The following SIPA1L1 variants were observed in gnomAD, a reference collection of about 807,000 sequenced individuals.
The protein encoded by SIPA1L1 is signal induced proliferation associated 1 like 1.
Under a neutral mutation model 162.7 loss-of-function variants are expected in SIPA1L1, and 26 were observed. The observed-to-expected ratio is 0.16, with a 90% CI of 0.12 to 0.22. The LOEUF (loss-of-function observed/expected upper bound fraction) is 0.22, where lower values mean the gene tolerates loss of function less well. Ranked by LOEUF, SIPA1L1 falls within the 10% of genes least tolerant of loss-of-function variation. The pLI, the probability that SIPA1L1 is intolerant of heterozygous loss-of-function variation, is 1.00. For synonymous variants in SIPA1L1, 829 were observed against 837.4 expected, an observed-to-expected ratio of 0.99 and a Z score of 0.17; for missense variants, 1,874 against 2,241.0, an observed-to-expected ratio of 0.84 and a Z score of 3.31.
intron 2 of SIPA1L1, among the ~76,000 whole-genome samples, chr14:71,435,835 C>T (rs1014827309): frequency 6.6e-6 from 1 of 152,194 alleles, no homozygotes; most frequent in East Asian, 1.9e-4. Context: ...TCTCCAGCAC[C>T]TGTTGTTGCC....
intron 2 of SIPA1L1, among the ~76,000 whole-genome samples, chr14:71,341,866 G>A (rs35151594): frequency 0.22 from 33,292 of 152,072 alleles, 3,885 homozygotes; most frequent in Middle Eastern, 0.37. Flanking sequence ...ATAGTGTTCT[G>A]TGGTGTATAT....
intron 8 of SIPA1L1, among the ~76,000 whole-genome samples, chr14:71,652,792 G>T (rs1316453870): frequency 1.3e-5 from 2 of 151,884 alleles, no homozygotes; most frequent in African/African-American, 4.8e-5. Context: ...ATATTTCAGG[G>T]CCAAAAGTTG....
chr14:71,472,153 C>T (rs1013254770), intron 2 of SIPA1L1, among the ~76,000 whole-genome samples: 2 of 152,168 alleles, frequency 1.3e-5, no homozygotes, highest in African/African-American at 4.8e-5. Context: ...AGGCAGCCTC[C>T]GTCTAGACTC....
intron 5 of SIPA1L1, among the ~76,000 whole-genome samples, chr14:71,611,377 T>G (rs2038186132): frequency 6.6e-6 from 1 of 152,066 alleles, no homozygotes; most frequent in Admixed American, 6.5e-5. Context: ...TTTTTCCTAG[T>G]TGTTATTTTA....
At chr14:71,552,297 A>G (rs931399994) in intron 4 of SIPA1L1, among the ~76,000 whole-genome samples, 7 of 152,236 alleles carry the variant, frequency 4.6e-5, no homozygotes, top group African/African-American at 1.7e-4. Flanking sequence ...AAAGGTACAG[A>G]ATATCATTGA....
At chr14:71,496,393 A>G (rs1357795679) in intron 2 of SIPA1L1, among the ~76,000 whole-genome samples, 1 of 151,268 alleles carries the variant, frequency 6.6e-6, no homozygotes, top group Non-Finnish European at 1.5e-5. Flanking sequence ...GGTTGTTTGG[A>G]TGTTATTGTT....
intron 2 of SIPA1L1, among the ~76,000 whole-genome samples, chr14:71,449,503 C>G (rs1383389645): frequency 6.6e-6 from 1 of 152,134 alleles, no homozygotes; most frequent in Non-Finnish European, 1.5e-5. Flanking sequence ...ACATTAGTCA[C>G]AAGGCTACAC....
chr14:71,524,684 A>G (rs2052685954), intron 3 of SIPA1L1, among the ~76,000 whole-genome samples: 1 of 152,192 alleles, frequency 6.6e-6, no homozygotes, highest in Non-Finnish European at 1.5e-5. Context: ...CCTTAGGCTC[A>G]AGTAGCCTCC....
chr14:71,576,867 G>A (rs2147164311), intron 4 of SIPA1L1, among the ~76,000 whole-genome samples: 1 of 152,208 alleles, frequency 6.6e-6, no homozygotes, highest in African/African-American at 2.4e-5. Flanking sequence ...GCTGGATCAC[G>A]AGGTCAGGAG....
chr14:71,501,196 C>T (rs919652006), intron 2 of SIPA1L1, among the ~76,000 whole-genome samples: 3 of 152,146 alleles, frequency 2.0e-5, no homozygotes, highest in Middle Eastern at 3.4e-3. Context: ...TGGTGTGCAT[C>T]TGTGGTCCCA....
At chr14:71,584,344 A>G (rs1295097070) in intron 4 of SIPA1L1, among the ~76,000 whole-genome samples, 1 of 152,212 alleles carries the variant, frequency 6.6e-6, no homozygotes, top group Non-Finnish European at 1.5e-5. Flanking sequence ...CAGGGACTTG[A>G]TATTCTAAAT....
chr14:71,448,254 A>G (rs1333018908), intron 2 of SIPA1L1, among the ~76,000 whole-genome samples: 1 of 152,156 alleles, frequency 6.6e-6, no homozygotes, highest in Non-Finnish European at 1.5e-5. Flanking sequence ...GGTAGCAATA[A>G]CATCATCCAC....
At chr14:71,591,247 T>C (rs1333871387) in intron 5 of SIPA1L1, among the ~76,000 whole-genome samples, 2 of 152,116 alleles carry the variant, frequency 1.3e-5, no homozygotes, top group African/African-American at 4.8e-5. Context: ...CTCATTTCAA[T>C]CTCTTGATGC....
chr14:71,599,097 T>C (rs1238026775), intron 5 of SIPA1L1, among the ~76,000 whole-genome samples: 1 of 151,914 alleles, frequency 6.6e-6, no homozygotes, highest in African/African-American at 2.4e-5. Context: ...CTTAACATAA[T>C]GATCTGCAGT....
intron 2 of SIPA1L1, chr14:71,400,876 G>C (rs1595243007): frequency 6.6e-6 from 1 of 152,030 alleles, no homozygotes; most frequent in Middle Eastern, 3.4e-3. Flanking sequence ...CATATCACTT[G>C]ATGGCTTCTA....
At chr14:71,442,206 A>G (rs920363467) in intron 2 of SIPA1L1, among the ~76,000 whole-genome samples, 3 of 150,756 alleles carry the variant, frequency 2.0e-5, no homozygotes, top group East Asian at 1.9e-4. Context: ...AAAAGAAGTA[A>G]CTTAAACTGT....
At chr14:71,534,364 C>T (rs890626353) in intron 4 of SIPA1L1, among the ~76,000 whole-genome samples, 5 of 152,100 alleles carry the variant, frequency 3.3e-5, no homozygotes, top group South Asian at 2.1e-4. Flanking sequence ...TAGATTAACT[C>T]GTGTAAATTA....
chr14:71,454,504 A>G (rs2046050880), intron 2 of SIPA1L1, among the ~76,000 whole-genome samples: 1 of 152,202 alleles, frequency 6.6e-6, no homozygotes, highest in African/African-American at 2.4e-5. Flanking sequence ...AAAGCATCTA[A>G]TTAAAGGTAC....
chr14:71,568,305 C>T (rs2031185952), intron 4 of SIPA1L1, among the ~76,000 whole-genome samples: 1 of 152,142 alleles, frequency 6.6e-6, no homozygotes, highest in African/African-American at 2.4e-5. Flanking sequence ...GACAAAAATC[C>T]ATCTTTTGTA....
Sources: allele counts gnomAD v4.1 joint callset (sites outside exome capture counted in the v4.1 genomes callset), GRCh38; gene constraint gnomAD v4.1.1; transcripts MANE v1.5; gene names NCBI Gene and HGNC (gene_info 2026-07-23, HGNC 2026-07-21).